The following DNAAF6 variants were observed in gnomAD, a reference collection of about 807,000 sequenced individuals.
DNAAF6 encodes PIH1 domain containing 3.
Under a neutral mutation model 13.7 loss-of-function variants are expected in DNAAF6, and 3 were observed. That is an observed-to-expected ratio of 0.22 (90% CI 0.10 to 0.56). The LOEUF (loss-of-function observed/expected upper bound fraction) is 0.56. Among genes scored for constraint, DNAAF6 ranks in the 20% least tolerant of loss-of-function variants. The pLI is 0.92. For synonymous variants in DNAAF6, 54 were observed against 49.2 expected (o/e 1.10, Z -0.41); for missense variants, 130 against 151.0 (o/e 0.86, Z 0.73).
At chrX:107,236,545 C>T (rs779294421) in intron 5 of DNAAF6, among the ~76,000 whole-genome samples, 4 of 111,545 alleles carry the variant, frequency 3.6e-5, no homozygotes, top group Non-Finnish European at 5.7e-5. Flanking sequence ...TTAATGTGTG[C>T]GATTCCACCT....
At chrX:107,223,504 G>A (rs1366914393) in intron 5 of DNAAF6, among the ~76,000 whole-genome samples, 3 of 111,392 alleles carry the variant, frequency 2.7e-5, no homozygotes, top group Non-Finnish European at 5.7e-5. Context: ...TCCTGATAAT[G>A]ACCTTGTTGA....
chrX:107,207,214 T>TG (rs2147823686), intron 1 of DNAAF6: 1 of 111,012 alleles, frequency 9.0e-6, no homozygotes, highest in East Asian at 2.8e-4. Context: ...CACTTCAGAC[T>TG]GAAAAAAAAA....
intron 1 of DNAAF6, among the ~76,000 whole-genome samples, chrX:107,211,119 T>C (rs1927845900): frequency 2.7e-5 from 3 of 112,355 alleles, no homozygotes; most frequent in African/African-American, 6.5e-5. Flanking sequence ...AAATGTTTTT[T>C]AATAAAGTTG....
intron 1 of DNAAF6, among the ~76,000 whole-genome samples, chrX:107,209,890 T>C (rs961289650): frequency 1.1e-4 from 12 of 112,563 alleles, no homozygotes; most frequent in African/African-American, 3.9e-4. Flanking sequence ...TCTTTATTGA[T>C]ACTGTGAAGG....
intron 4 of DNAAF6, among the ~76,000 whole-genome samples, chrX:107,221,375 C>T (rs748476293): frequency 7.2e-5 from 8 of 110,575 alleles, no homozygotes; most frequent in African/African-American, 2.6e-4. Context: ...CCACCTTACT[C>T]TCCCAAGTAG....
At chrX:107,232,742 G>A (rs758269915) in intron 5 of DNAAF6, among the ~76,000 whole-genome samples, 1 of 110,613 alleles carries the variant, frequency 9.0e-6, no homozygotes, top group Non-Finnish European at 1.9e-5. Context: ...TTTTGTTGTT[G>A]TTGTTGTTGT....
Position 107,227,483 on chromosome X carries a change from C to T in DNAAF6, c.429+4642C>T, listed in dbSNP as rs5962390. On this transcript the variant is annotated intron_variant, in intron 5 of 6. Transcript: ENST00000372453. ...TTCTATTCCCCTCTAGAGGATGGACCTAGTTTTTTTTTTTTGGTAGGCTTC... is the reference window on the plus strand; with the variant it reads ...TTCTATTCCCCTCTAGAGGATGGACTTAGTTTTTTTTTTTTGGTAGGCTTC... 6.6e-3 allele frequency among the ~76,000 whole-genome samples: 714 copies of T among 108,706 alleles called. 6 individuals are homozygous for T. The highest frequency in any genetic ancestry group is 0.023 in the African/African-American group (674 of 29,855). 94.4% of individuals were successfully genotyped at this position (108,706 alleles called of 115,157 possible). A position where few individuals can be genotyped will look rare whatever the true frequency, so the allele number is the denominator to read the frequency against.
intron 6 of DNAAF6, among the ~76,000 whole-genome samples, chrX:107,242,948 A>C (rs1032452302): frequency 1.8e-5 from 2 of 111,394 alleles, no homozygotes; most frequent in African/African-American, 3.3e-5. Context: ...TTCGGAGAAA[A>C]ATAGGGGCGC....
At chrX:107,226,465 G>C (rs771196274) in intron 5 of DNAAF6, among the ~76,000 whole-genome samples, 68 of 111,662 alleles carry the variant, frequency 6.1e-4, no homozygotes, top group Non-Finnish European at 1.1e-3. Flanking sequence ...GGACCTCTTG[G>C]GTGCCAGCTG....
chrX:107,210,308 T>G (rs888191648), intron 1 of DNAAF6, among the ~76,000 whole-genome samples: 1 of 112,407 alleles, frequency 8.9e-6, no homozygotes, highest in Non-Finnish European at 1.9e-5. Context: ...CTCTTAAATT[T>G]TCCTTACTTT....
intron 5 of DNAAF6, among the ~76,000 whole-genome samples, chrX:107,238,244 T>A (rs916266266): frequency 9.0e-6 from 1 of 111,321 alleles, no homozygotes; most frequent in Admixed American, 9.6e-5. Context: ...ATAGGGCTCC[T>A]ATAAGCAAAA....
rs1294720112 is a variant in DNAAF6 at position 107,213,029 on chromosome X, G to A, written c.153+1G>A. ...AGAGGATGATTCTGACTATGGACAG[G>A]TGGTCATATACTTAACAGTTGAATT... On this transcript the variant is annotated splice_donor_variant, in intron 2 of 6. Coordinates refer to ENST00000372453, the MANE Select transcript of DNAAF6 (RefSeq NM_173494.2). LOFTEE classifies it high-confidence loss of function. 2.5e-6 allele frequency: 3 copies of A among 1,186,583 alleles called. No individual in the cohort carries two copies. The highest frequency in any genetic ancestry group is 6.0e-5 in the East Asian group (2 of 33,318).
Position 107,243,436 on chromosome X carries a change from T to C in DNAAF6, c.*138T>C, listed in dbSNP as rs1298253134. ...GGGACAAAATTCAGTTCTAGTGATA[T>C]TGTGACCATTTACAGTAATTTCTAT... On this transcript the variant is annotated 3_prime_UTR_variant, in exon 7 of 7. Transcript: ENST00000372453. 5.6e-5 allele frequency: 45 copies of C among 810,803 alleles called. No homozygotes were observed. In the South Asian group the frequency reaches 1.3e-3, roughly 23 times the overall value. The allele number at this position is 810,803 out of a possible 1,213,427, so 66.8% of individuals were successfully genotyped here.
chrX:107,229,361 A>G (rs1241922149), intron 5 of DNAAF6, among the ~76,000 whole-genome samples: 5 of 107,686 alleles, frequency 4.6e-5, no homozygotes, highest in African/African-American at 1.7e-4. Context: ...CCTGGCCTCA[A>G]GTGATCTGCC....
At chrX:107,231,126 T>G (rs781229245) in intron 5 of DNAAF6, among the ~76,000 whole-genome samples, 69 of 111,953 alleles carry the variant, frequency 6.2e-4, no homozygotes, top group Middle Eastern at 9.2e-3. Flanking sequence ...GTAATAGAGA[T>G]ACACTATTCA....
At chrX:107,239,031 T>C in intron 6 of DNAAF6, 24 bp downstream of exon 6, 1 of 1,178,740 alleles carries the variant, frequency 8.5e-7, no homozygotes, top group Non-Finnish European at 1.1e-6. Flanking sequence ...AGAACTGGAA[T>C]AGTGTATTAT....
intron 4 of DNAAF6, among the ~76,000 whole-genome samples, chrX:107,222,476 T>G (rs753472580): frequency 8.9e-6 from 1 of 111,735 alleles, no homozygotes; most frequent in East Asian, 2.8e-4. Context: ...ACAAGTTCCC[T>G]CAATCTATTT....
intron 1 of DNAAF6, among the ~76,000 whole-genome samples, chrX:107,209,884 T>C (rs1015956841): frequency 4.4e-5 from 5 of 112,594 alleles, no homozygotes; most frequent in Non-Finnish European, 9.4e-5. Context: ...AAGCCATCTT[T>C]ATTGATACTG....
intron 2 of DNAAF6, among the ~76,000 whole-genome samples, chrX:107,214,368 A>G (rs1391771354): frequency 9.0e-6 from 1 of 111,687 alleles, no homozygotes; most frequent in African/African-American, 3.3e-5. Context: ...AAGTATATCA[A>G]GTATTTGAGA....
Sources: gnomAD v4.1 joint callset for allele counts (sites outside exome capture counted in the v4.1 genomes callset) on GRCh38, gnomAD v4.1.1 for gene constraint, MANE v1.5 for transcripts, NCBI Gene and HGNC (gene_info 2026-07-23, HGNC 2026-07-21) for gene names.